The following GMDS variants were observed in gnomAD, a reference collection of about 807,000 sequenced individuals.
The protein encoded by GMDS is GDP-mannose 4,6-dehydratase, also known as GDP-mannose 4,6 dehydratase.
A neutral mutation model predicts 49.9 loss-of-function variants in GMDS; 20 were observed. The ratio of observed to expected loss-of-function variants is 0.40; its 90% CI spans 0.28 to 0.58. GMDS has a LOEUF of 0.58. Ranked by LOEUF, GMDS falls within the 20% of genes least tolerant of loss-of-function variation. GMDS has a pLI of 0.42. For synonymous variants in GMDS, 177 were observed against 178.6 expected, an observed-to-expected ratio of 0.99 and a Z score of 0.07; for missense variants, 362 against 481.4, an observed-to-expected ratio of 0.75 and a Z score of 2.32.
At chr6:1,942,824 G>C (rs1330276417) in intron 6 of GMDS, among the ~76,000 whole-genome samples, 1 of 152,184 alleles carries the variant, frequency 6.6e-6, no homozygotes, top group African/African-American at 2.4e-5. Flanking sequence ...TTAGCGTGAG[G>C]TTCGCTTTTT....
chr6:1,942,005 G>A (rs1382008825), intron 6 of GMDS, among the ~76,000 whole-genome samples: 3 of 152,120 alleles, frequency 2.0e-5, no homozygotes, highest in South Asian at 4.1e-4. Context: ...GAGAACCTTC[G>A]CACACCTATG....
chr6:1,808,584 T>C (rs1261907051), intron 7 of GMDS, among the ~76,000 whole-genome samples: 1 of 152,196 alleles, frequency 6.6e-6, no homozygotes, highest in African/African-American at 2.4e-5. Context: ...TTTCATACAG[T>C]TTAGTACAGA....
chr6:2,080,457 T>C (rs1044602934), intron 4 of GMDS, among the ~76,000 whole-genome samples: 3 of 152,204 alleles, frequency 2.0e-5, no homozygotes, highest in Admixed American at 6.5e-5. Flanking sequence ...TTTTTTGAAT[T>C]TACTTTAACA....
intron 7 of GMDS, among the ~76,000 whole-genome samples, chr6:1,840,779 A>G (rs1757120687): frequency 6.6e-6 from 1 of 152,190 alleles, no homozygotes; most frequent in Non-Finnish European, 1.5e-5. Flanking sequence ...GCTAGACTTA[A>G]AAAAAGGAAA....
intron 9 of GMDS, among the ~76,000 whole-genome samples, chr6:1,669,601 A>G (rs182780360): frequency 2.0e-5 from 3 of 152,252 alleles, no homozygotes; most frequent in Non-Finnish European, 2.9e-5. Flanking sequence ...TCTGTGTTCA[A>G]ACAGGGGCTT....
intron 9 of GMDS, among the ~76,000 whole-genome samples, chr6:1,706,946 ACT>A (rs1010298958): frequency 1.3e-5 from 2 of 152,090 alleles, no homozygotes; most frequent in African/African-American, 4.8e-5. Flanking sequence ...TTAAAGGCCT[ACT>A]CTCATGGCAG....
chr6:1,980,650 G>C (rs1246527906), intron 4 of GMDS, among the ~76,000 whole-genome samples: 1 of 152,146 alleles, frequency 6.6e-6, no homozygotes, highest in Non-Finnish European at 1.5e-5. Flanking sequence ...CATCAAAACA[G>C]AAAATTAACC....
rs148652253 is a variant in GMDS at position 2,128,384 on chromosome 6, A to C, written c.103-3653T>G. Among the ~76,000 whole-genome samples the C allele has an allele frequency of 4.6e-3, 694 of 152,214 alleles. 1 individual carries two copies. Among genetic ancestry groups the C allele is most frequent in the Middle Eastern group, 0.024 (7 of 294 alleles). The stretch of plus-strand genomic sequence containing the variant: ...AGAGACAGGTTTCACCATGTTGGCC[A>C]GGCTGTTCTCAAACCCCTGACCTCA... On this transcript the variant is annotated intron_variant, in intron 1 of 10. Transcript: ENST00000380815.
At chr6:1,929,673 T>G (rs924851563) in intron 7 of GMDS, among the ~76,000 whole-genome samples, 62 of 152,152 alleles carry the variant, frequency 4.1e-4, no homozygotes, top group African/African-American at 1.4e-3. Context: ...CAGAGTTCCA[T>G]AAGAATATTA....
At chr6:1,821,399 G>A (rs1298925692) in intron 7 of GMDS, among the ~76,000 whole-genome samples, 2 of 151,884 alleles carry the variant, frequency 1.3e-5, no homozygotes, top group Admixed American at 6.6e-5. Context: ...GCTCGCTGTC[G>A]TGGGCTTTAG....
intron 7 of GMDS, among the ~76,000 whole-genome samples, chr6:1,823,101 G>C (rs1770962488): frequency 6.6e-6 from 1 of 152,058 alleles, no homozygotes; most frequent in Non-Finnish European, 1.5e-5. Flanking sequence ...ATTTGGTATG[G>C]ATACTAGAAG....
At chr6:2,117,631 T>C in intron 2 of GMDS, 75 bp from the exon 3 acceptor site, 1 of 791,914 alleles carries the variant, frequency 1.3e-6, no homozygotes, top group East Asian at 2.4e-5. Flanking sequence ...ATGTTTAGCT[T>C]TATGAAAAAA....
intron 7 of GMDS, among the ~76,000 whole-genome samples, chr6:1,866,048 T>C (rs1373733001): frequency 4.6e-5 from 7 of 152,180 alleles, no homozygotes; most frequent in Admixed American, 4.6e-4. Flanking sequence ...CATGTGGGAT[T>C]TGGGGCATTT....
chr6:1,969,493 C>T (rs1411347090), intron 4 of GMDS, among the ~76,000 whole-genome samples: 2 of 152,086 alleles, frequency 1.3e-5, no homozygotes, highest in Admixed American at 6.6e-5. Context: ...GAACACATTA[C>T]AGGCTTTTCA....
At chr6:1,812,164 A>C (rs1770457102) in intron 7 of GMDS, among the ~76,000 whole-genome samples, 1 of 152,194 alleles carries the variant, frequency 6.6e-6, no homozygotes, top group African/African-American at 2.4e-5. Flanking sequence ...CACAGAGGCA[A>C]CATTTTAGAG....
intron 1 of GMDS, among the ~76,000 whole-genome samples, chr6:2,158,218 T>C (rs939071489): frequency 6.6e-6 from 1 of 152,282 alleles, no homozygotes; most frequent in Middle Eastern, 3.4e-3. Flanking sequence ...AGTAATGCTA[T>C]ATACATATAT....
At chr6:2,040,792 A>G (rs1426084672) in intron 4 of GMDS, among the ~76,000 whole-genome samples, 3 of 152,122 alleles carry the variant, frequency 2.0e-5, no homozygotes, top group Non-Finnish European at 4.4e-5. Flanking sequence ...TCCTCCCAAT[A>G]CCCAGAGGAA....
intron 7 of GMDS, among the ~76,000 whole-genome samples, chr6:1,795,613 C>A (rs1201944151): frequency 1.3e-5 from 2 of 151,942 alleles, no homozygotes; most frequent in Non-Finnish European, 2.9e-5. Flanking sequence ...GAGAAATGGG[C>A]AAATCAGGAG....
At chr6:2,089,548 T>C (rs1773201152) in intron 4 of GMDS, among the ~76,000 whole-genome samples, 1 of 152,098 alleles carries the variant, frequency 6.6e-6, no homozygotes, top group Non-Finnish European at 1.5e-5. Flanking sequence ...GCACCCAAAG[T>C]AAAAGAGAAA....
Sources: gnomAD v4.1 joint callset for allele counts (sites outside exome capture counted in the v4.1 genomes callset) on GRCh38, gnomAD v4.1.1 for gene constraint, MANE v1.5 for transcripts, NCBI Gene and HGNC (gene_info 2026-07-23, HGNC 2026-07-21) for gene names.